The following CACNA1B variants were observed in gnomAD, a reference collection of about 807,000 sequenced individuals.
CACNA1B encodes calcium voltage-gated channel subunit alpha1 B, also known as voltage-dependent N-type calcium channel subunit alpha-1B.
CACNA1B carries 70 observed loss-of-function variants against 247.2 expected under a neutral mutation model. The ratio of observed to expected loss-of-function variants is 0.28; its 90% CI spans 0.23 to 0.35. The LOEUF (loss-of-function observed/expected upper bound fraction) is 0.35. Among genes scored for constraint, CACNA1B ranks in the 10% least tolerant of loss-of-function variants. CACNA1B has a pLI of 1.00. For missense variants in CACNA1B, 2,367 were observed against 3,197.4 expected (o/e 0.74, Z 6.26); for synonymous variants, 1,231 against 1,294.4 (o/e 0.95, Z 1.05).
At chr9:138,044,618 TGAG>T (rs1246333260) in intron 21 of CACNA1B, among the ~76,000 whole-genome samples, 2 of 152,014 alleles carry the variant, frequency 1.3e-5, no homozygotes, top group Non-Finnish European at 2.9e-5. Flanking sequence ...GAGCAGAGCT[TGAG>T]GAGGAGGAGG....
At chr9:138,109,062 GTA>G (rs1961534702) in intron 39 of CACNA1B, among the ~76,000 whole-genome samples, 1 of 152,220 alleles carries the variant, frequency 6.6e-6, no homozygotes, top group South Asian at 2.1e-4. Flanking sequence ...AGAAGGAAAA[GTA>G]TATGATTATC....
intron 34 of CACNA1B, among the ~76,000 whole-genome samples, chr9:138,074,654 C>G (rs1006557368): frequency 1.3e-5 from 2 of 152,236 alleles, no homozygotes; most frequent in African/African-American, 4.8e-5. Context: ...GGCCCTCGGC[C>G]CATTGCCACC....
chr9:137,976,381 C>T (rs1388247423), intron 12 of CACNA1B, among the ~76,000 whole-genome samples: 1 of 152,264 alleles, frequency 6.6e-6, no homozygotes, highest in African/African-American at 2.4e-5. Context: ...GGGGCTCTGG[C>T]CCTGGGCAGG....
intron 6 of CACNA1B, among the ~76,000 whole-genome samples, chr9:137,949,455 C>CGT (rs200478557): frequency 2.5e-4 from 23 of 92,868 alleles, no homozygotes; most frequent in East Asian, 2.3e-3. Flanking sequence ...GGGGTGTGTG[C>CGT]GTGTGTGTGT....
intron 3 of CACNA1B, among the ~76,000 whole-genome samples, chr9:137,905,837 CTG>C (rs1179229090): frequency 6.6e-6 from 1 of 152,252 alleles, no homozygotes; most frequent in East Asian, 1.9e-4. Context: ...GCTGAAGACA[CTG>C]TCACCTCCCG....
intron 6 of CACNA1B, among the ~76,000 whole-genome samples, chr9:137,946,834 A>G (rs1015515769): frequency 6.6e-6 from 1 of 152,026 alleles, no homozygotes; most frequent in Admixed American, 6.6e-5. Context: ...AAGAAAAATA[A>G]CTCCCAAACT....
At position 138,010,442 on chromosome 9, in the gene CACNA1B, C is replaced by G. The variant is rs1287194678; in HGVS notation, c.2160+365C>G. ...TGCTTCAGGCAGTGCTCAGCGGGTG[C>G]CATTTTAATATTCATCTCATCCCTG... is the stretch of plus-strand genomic sequence containing the variant. On this transcript the variant is annotated intron_variant, in intron 17 of 46. Coordinates refer to ENST00000371372, the MANE Select transcript of CACNA1B (RefSeq NM_000718.4). This position sits in a 1 kb window ranked among gnomAD's most constrained non-coding sequence, Gnocchi z 5.3. 6.6e-6 allele frequency among the ~76,000 whole-genome samples: 1 copy of G among 152,158 alleles called. No homozygotes were observed. Among genetic ancestry groups the G allele is most frequent in the African/African-American group, 2.4e-5 (1 of 41,424 alleles).
chr9:138,043,996 A>G, intron 21 of CACNA1B, 96 bp downstream of exon 21: 1 of 1,467,394 alleles, frequency 6.8e-7, no homozygotes, highest in Non-Finnish European at 9.3e-7. Context: ...GATTCTGCGC[A>G]CTTATGTAGA....
At chr9:137,999,884 A>G (rs942910996) in intron 15 of CACNA1B, among the ~76,000 whole-genome samples, 1 of 152,196 alleles carries the variant, frequency 6.6e-6, no homozygotes, top group African/African-American at 2.4e-5. Flanking sequence ...TGATGCTAAG[A>G]GTAGACATTT....
chr9:138,050,174 C>T lies in CACNA1B; in HGVS notation c.3710+859C>T. ...GGTCATTTCATCTCCAGCCTCACCC[C>T]CCGCCCATCCACTTTCACCCCATCG... is the stretch of plus-strand genomic sequence containing the variant. On this transcript the variant is annotated intron_variant, in intron 24 of 46. Coordinates refer to ENST00000371372, the MANE Select transcript of CACNA1B (RefSeq NM_000718.4). This position sits in a 1 kb window ranked among gnomAD's most constrained non-coding sequence, Gnocchi z 5.2. The T allele has an allele frequency of 1.0e-6, 1 of 980,634 alleles. No individual in the cohort carries two copies. The highest frequency in any genetic ancestry group is 1.3e-5 in the South Asian group (1 of 74,912). 60.7% of individuals were successfully genotyped at this position (980,634 alleles called of 1,614,324 possible). A position where few individuals can be genotyped will look rare whatever the true frequency, so the allele number is the denominator to read the frequency against.
chr9:138,048,708 T>A (rs1159575569), intron 23 of CACNA1B, among the ~76,000 whole-genome samples: 1 of 152,192 alleles, frequency 6.6e-6, no homozygotes, highest in Non-Finnish European at 1.5e-5. Context: ...TGCCTATCTT[T>A]CTAGGTTTGT....
intron 3 of CACNA1B, among the ~76,000 whole-genome samples, chr9:137,907,444 C>A (rs1346585028): frequency 6.6e-6 from 1 of 152,212 alleles, no homozygotes; most frequent in East Asian, 1.9e-4. Flanking sequence ...TGGCCAAATA[C>A]TCTCCAAAAC....
chr9:138,095,069 T>G (rs1050265864), intron 36 of CACNA1B, among the ~76,000 whole-genome samples: 3 of 152,212 alleles, frequency 2.0e-5, no homozygotes, highest in African/African-American at 7.2e-5. Context: ...TTCTTAGATT[T>G]GACACCAAAA....
In CACNA1B at chr9:137,957,894, A is replaced by G. The variant is rs1339882974; in HGVS notation, c.1333+207A>G. ...CCATATCCCAAGGCTGGAGGACTCT[A>G]TAGGGCCACCTCTCTCTTCAGCCCC... On this transcript the variant is annotated intron_variant, in intron 10 of 46. Coordinates refer to ENST00000371372, the MANE Select transcript of CACNA1B (RefSeq NM_000718.4). The surrounding 1 kb of genome is among the most constrained non-coding windows in gnomAD (Gnocchi z 4.7). Among the ~76,000 whole-genome samples the G allele has an allele frequency of 6.6e-6, 1 of 152,192 alleles. No individual in the cohort carries two copies. The highest frequency in any genetic ancestry group is 1.5e-5 in the Non-Finnish European group (1 of 68,022).
intron 3 of CACNA1B, among the ~76,000 whole-genome samples, chr9:137,897,775 G>A (rs1957189030): frequency 6.6e-6 from 1 of 151,264 alleles, no homozygotes; most frequent in Non-Finnish European, 1.5e-5. Flanking sequence ...TGCCTCCTGG[G>A]TTCACACCAT....
At chr9:138,088,108 C>G (rs1037239770) in intron 36 of CACNA1B, among the ~76,000 whole-genome samples, 1 of 152,116 alleles carries the variant, frequency 6.6e-6, no homozygotes, top group African/African-American at 2.4e-5. Flanking sequence ...GTGGCTCACA[C>G]CTGTAATCCC....
intron 6 of CACNA1B, among the ~76,000 whole-genome samples, chr9:137,945,394 T>A (rs1421407448): frequency 6.6e-6 from 1 of 152,196 alleles, no homozygotes; most frequent in African/African-American, 2.4e-5. Flanking sequence ...TGTCTGCGGT[T>A]CCCAAGGGCA....
At chr9:138,097,499 A>T (rs139915358) in intron 37 of CACNA1B, among the ~76,000 whole-genome samples, 121 of 152,250 alleles carry the variant, frequency 7.9e-4, no homozygotes, top group African/African-American at 2.6e-3. Flanking sequence ...TCACTCACTC[A>T]AGCAATGTCT....
Position 138,043,842 on chromosome 9 carries a change from A to G in CACNA1B, c.3355A>G (p.Ser1119Gly). Residue 1119 changes from serine (S) to glycine (G), a missense_variant, in exon 21 of 47, where the codon AGC becomes GGC. By Grantham distance (56) the Ser-to-Gly change is moderately conservative. Transcript: ENST00000371372. ...KEVEADDVMR[S>G]GPRPIVPYSS... The stretch of plus-strand genomic sequence containing the variant: ...GGTGGAAGCGGATGACGTGATGAGG[A>G]GCGGCCCCCGGCCTATCGTCCCATA... 6.2e-7 allele frequency: 1 copy of G among 1,613,876 alleles called. No homozygotes were observed. Among genetic ancestry groups the G allele is most frequent in the Non-Finnish European group, 8.5e-7 (1 of 1,179,842 alleles).
Sources: gnomAD v4.1 joint callset for allele counts (sites outside exome capture counted in the v4.1 genomes callset) on GRCh38, gnomAD v4.1.1 for gene constraint, Gnocchi (gnomAD v3.1) non-coding constraint, MANE v1.5 for transcripts, NCBI Gene and HGNC (gene_info 2026-07-23, HGNC 2026-07-21) for gene names.